The following TOPBP1 variants were observed in gnomAD, a reference collection of about 807,000 sequenced individuals.
TOPBP1 encodes DNA topoisomerase II binding protein 1, also known as DNA topoisomerase 2-binding protein 1.
TOPBP1 carries 28 observed loss-of-function variants against 167.7 expected under a neutral mutation model. That is an observed-to-expected ratio of 0.17 (90% CI 0.12 to 0.23). TOPBP1 has a LOEUF of 0.23. Ranked by LOEUF, TOPBP1 falls within the 10% of genes least tolerant of loss-of-function variation. The pLI is 1.00. For missense variants in TOPBP1, 1,554 were observed against 1,809.6 expected (o/e 0.86, Z 2.56); for synonymous variants, 598 against 611.4 (o/e 0.98, Z 0.32).
intron 2 of TOPBP1, 28 bp downstream of exon 2, chr3:133,661,016 A>C (rs1936690050): frequency 6.7e-7 from 1 of 1,490,204 alleles, no homozygotes; most frequent in South Asian, 1.3e-5. Context: ...AAATGAATTC[A>C]CGGTATTAAG....
chr3:133,623,033 A>G (rs1935146129), intron 19 of TOPBP1, 58 bp downstream of exon 19: 1 of 1,068,866 alleles, frequency 9.4e-7, no homozygotes, highest in Non-Finnish European at 1.3e-6. Context: ...CATCTCCACA[A>G]AAAATTGAGA....
rs1559823096 is a variant in TOPBP1 at position 133,638,104 on chromosome 3, C to T, written c.2292G>A (p.Glu764=). 6.2e-7 allele frequency: 1 copy of T among 1,613,980 alleles called. No homozygotes were observed. Among genetic ancestry groups the T allele is most frequent in the East Asian group, 2.2e-5 (1 of 44,890 alleles). The change falls in exon 14 of 28, where the codon GAG becomes GAA. Residue 764 remains glutamate (E), a synonymous_variant. Transcript: ENST00000260810. The stretch of plus-strand genomic sequence containing the variant: ...GAGTTTGCAGGCGTGTGCCAGGATG[C>T]TCTGCAGTATCTGAATTTAGATTGA... ...NGINLNSDTA[E]HPGTRLQTHR...
At chr3:133,653,558 T>A in intron 6 of TOPBP1, 34 bp from the exon 7 acceptor site, 1 of 1,463,648 alleles carries the variant, frequency 6.8e-7, no homozygotes. Context: ...ATAGAGAAAA[T>A]AGGAGAAACC....
At chr3:133,659,777 T>C (rs1375992774) in intron 2 of TOPBP1, among the ~76,000 whole-genome samples, 1 of 152,010 alleles carries the variant, frequency 6.6e-6, no homozygotes, top group Non-Finnish European at 1.5e-5. Context: ...TATATATATA[T>C]AGTTTTTGTC....
At chr3:133,645,145 A>C (rs1936032707) in intron 10 of TOPBP1, among the ~76,000 whole-genome samples, 2 of 152,178 alleles carry the variant, frequency 1.3e-5, no homozygotes, top group Non-Finnish European at 2.9e-5. Context: ...CCTCATCTCC[A>C]ACAGACACTA....
At chr3:133,623,577 T>C in intron 17 of TOPBP1, 120 bp from the exon 18 acceptor site, 1 of 1,210,252 alleles carries the variant, frequency 8.3e-7, no homozygotes, top group Non-Finnish European at 1.1e-6. Flanking sequence ...TTCACAAAAC[T>C]GGTTTGAAAA....
At chr3:133,604,501 T>C (rs942591585) in intron 27 of TOPBP1, among the ~76,000 whole-genome samples, 1 of 151,662 alleles carries the variant, frequency 6.6e-6, no homozygotes, top group African/African-American at 2.4e-5. Flanking sequence ...GCCAACAAAT[T>C]TGATAAGATG....
At chr3:133,646,742 G>C (rs753883370) in intron 10 of TOPBP1, among the ~76,000 whole-genome samples, 1 of 151,866 alleles carries the variant, frequency 6.6e-6, no homozygotes, top group Non-Finnish European at 1.5e-5. Context: ...TAAAGCATAA[G>C]TAAATGGTTT....
chr3:133,603,578 G>A (rs1218558447), intron 27 of TOPBP1, among the ~76,000 whole-genome samples: 1 of 152,158 alleles, frequency 6.6e-6, no homozygotes, highest in Non-Finnish European at 1.5e-5. Flanking sequence ...CTCAGATAAT[G>A]TACATTCAAG....
intron 23 of TOPBP1, among the ~76,000 whole-genome samples, chr3:133,614,149 CTAA>C (rs1291129900): frequency 2.0e-5 from 3 of 152,102 alleles, no homozygotes; most frequent in Non-Finnish European, 4.4e-5. Flanking sequence ...TAAGATGACT[CTAA>C]TAATAATAGC....
chr3:133,617,190 G>C lies in TOPBP1; in HGVS notation c.3729C>G (p.Asn1243Lys). The C allele has an allele frequency of 6.2e-7, 1 of 1,613,358 alleles. No individual in the cohort carries two copies. Among genetic ancestry groups the C allele is most frequent in the Non-Finnish European group, 8.5e-7 (1 of 1,179,686 alleles). Residue 1243 changes from asparagine (N) to lysine (K), a missense_variant, in exon 22 of 28, where the codon AAC (asparagine) becomes AAG (lysine). Asn to Lys is a moderately conservative substitution (Grantham distance 94, BLOSUM62 0). Transcript: ENST00000260810. ...CTCTAGGGTGCGGAGCCACAGGGGG[G>C]TTGGCGAGTGGAAAGGCAATACTGG... ...QAPSIAFPLA[N>K]PPVAPHPREK...
chr3:133,617,752 G>A (rs1382612053), intron 21 of TOPBP1, among the ~76,000 whole-genome samples: 1 of 151,956 alleles, frequency 6.6e-6, no homozygotes, highest in Non-Finnish European at 1.5e-5. Flanking sequence ...AAAGATGAGA[G>A]ATAGGAAAAT....
chr3:133,647,296 T>C (rs985703516), intron 10 of TOPBP1, among the ~76,000 whole-genome samples: 1 of 152,082 alleles, frequency 6.6e-6, no homozygotes, highest in Admixed American at 6.6e-5. Context: ...CTAAGAAACC[T>C]CCAGCCAATA....
Position 133,640,072 on chromosome 3 carries a change from G to A in TOPBP1, c.2120C>T (p.Ala707Val), listed in dbSNP as rs1383982427. ...GGCAGGTAAATTCCACTTCTTTGCAGCTTCATATTTAGAGCCACCACGTTC... is the reference window on the plus strand; with the variant it reads ...GGCAGGTAAATTCCACTTCTTTGCAACTTCATATTTAGAGCCACCACGTTC... ...LKERGGSKYE[A>V]AKKWNLPAVT... The change falls in exon 13 of 28, where the codon GCT (alanine) becomes GTT (valine). Residue 707 changes from alanine (A) to valine (V), a missense_variant. Physicochemically the swap from Ala to Val is moderately conservative, Grantham distance 64. Coordinates refer to ENST00000260810, the MANE Select transcript of TOPBP1 (RefSeq NM_007027.4). 1 of 1,613,832 alleles carries A rather than the reference G, an allele frequency of 6.2e-7. No individual in the cohort carries two copies. The highest frequency in any genetic ancestry group is 2.2e-5 in the East Asian group (1 of 44,868).
chr3:133,644,713 A>G (rs1174533487), intron 10 of TOPBP1, among the ~76,000 whole-genome samples: 1 of 152,268 alleles, frequency 6.6e-6, no homozygotes, highest in East Asian at 1.9e-4. Context: ...TCATTAAGAA[A>G]AAAATTAACA....
chr3:133,649,276 G>T, intron 10 of TOPBP1, 107 bp downstream of exon 10: 5 of 1,393,556 alleles, frequency 3.6e-6, no homozygotes, highest in Non-Finnish European at 4.7e-6. Flanking sequence ...AAAGAAAAAG[G>T]TTAATTTAAC....
At chr3:133,617,799 T>C (rs1041344354) in intron 21 of TOPBP1, among the ~76,000 whole-genome samples, 1 of 151,760 alleles carries the variant, frequency 6.6e-6, no homozygotes, top group African/African-American at 2.4e-5. Context: ...AGAAAAAAAA[T>C]AGGAGAATTC....
Position 133,649,430 on chromosome 3 carries a change from G to A in TOPBP1, c.1457C>T (p.Ala486Val). ...ATATTGAGAGAGCAGATCTTCATCAGCTTGCTCATGCTTTTCACTAGGAGC... is the reference window on the plus strand; with the variant it reads ...ATATTGAGAGAGCAGATCTTCATCAACTTGCTCATGCTTTTCACTAGGAGC... ...DFAPSEKHEQ[A>V]DEDLLSQYEN... Residue 486 changes from alanine to valine, a missense_variant, in exon 10 of 28, where the codon GCT (alanine) becomes GTT (valine). Physicochemically the swap from Ala to Val is moderately conservative, Grantham distance 64 (BLOSUM62 0). Coordinates refer to ENST00000260810, the MANE Select transcript of TOPBP1 (RefSeq NM_007027.4). The A allele has an allele frequency of 6.2e-7, 1 of 1,613,798 alleles. No individual in the cohort carries two copies. Among genetic ancestry groups the A allele is most frequent in the South Asian group, 1.1e-5 (1 of 91,078 alleles).
intron 3 of TOPBP1, 32 bp downstream of exon 3, chr3:133,658,984 C>T: frequency 6.4e-7 from 1 of 1,558,998 alleles, no homozygotes; most frequent in Non-Finnish European, 8.6e-7. Context: ...AAAAAATAGA[C>T]TACCAAAGGT....
Sources: gnomAD v4.1 joint callset for allele counts (sites outside exome capture counted in the v4.1 genomes callset) on GRCh38, gnomAD v4.1.1 for gene constraint, MANE v1.5 for transcripts, NCBI Gene and HGNC (gene_info 2026-07-23, HGNC 2026-07-21) for gene names.